STAB2: variants seen among roughly 807,000 people sequenced by gnomAD.
STAB2 encodes stabilin-2.
Under a neutral mutation model 338.1 loss-of-function variants are expected in STAB2, and 288 were observed. That is an observed-to-expected ratio of 0.85 (90% CI 0.77 to 0.94). STAB2 has a LOEUF of 0.94. Among genes scored for constraint, STAB2 ranks in the 40% least tolerant of loss-of-function variants. STAB2 has a pLI of 0.00. For missense variants in STAB2, 3,141 were observed against 3,210.1 expected (o/e 0.98, Z 0.52); for synonymous variants, 1,202 against 1,193.3 (o/e 1.01, Z -0.15).
intron 55 of STAB2, among the ~76,000 whole-genome samples, chr12:103,741,981 AT>A (rs1489894621): frequency 2.6e-5 from 4 of 152,226 alleles, no homozygotes; most frequent in African/African-American, 9.6e-5. Flanking sequence ...TCATTCTAAT[AT>A]TTGTTCAGTG....
At chr12:103,729,041 C>G in intron 48 of STAB2, 46 bp downstream of exon 48, 2 of 1,598,166 alleles carry the variant, frequency 1.3e-6, no homozygotes, top group Non-Finnish European at 1.7e-6. Flanking sequence ...AGATCATGTC[C>G]TTTGCAGGAA....
intron 3 of STAB2, among the ~76,000 whole-genome samples, chr12:103,604,329 T>C (rs933593291): frequency 6.6e-6 from 1 of 152,092 alleles, no homozygotes; most frequent in African/African-American, 2.4e-5. Flanking sequence ...AGTTTTCTTT[T>C]CTTGTTATGT....
At chr12:103,617,318 C>G (rs1957226246) in intron 3 of STAB2, among the ~76,000 whole-genome samples, 1 of 152,178 alleles carries the variant, frequency 6.6e-6, no homozygotes, top group Non-Finnish European at 1.5e-5. Flanking sequence ...TGGTCGGATT[C>G]AAACAAGTAC....
intron 57 of STAB2, among the ~76,000 whole-genome samples, chr12:103,745,923 C>T (rs941360766): frequency 2.0e-5 from 3 of 152,154 alleles, no homozygotes; most frequent in South Asian, 2.1e-4. Context: ...CCTTTATACT[C>T]GAAGCCCTGT....
intron 3 of STAB2, among the ~76,000 whole-genome samples, chr12:103,607,655 T>C (rs1430957416): frequency 1.3e-5 from 2 of 152,108 alleles, no homozygotes; most frequent in Non-Finnish European, 1.5e-5. Context: ...TTTGTCCTTG[T>C]GATAGTTTGC....
rs1878357696 is a variant in STAB2 at position 103,695,835 on chromosome 12, C to T, written c.3573C>T (p.Val1191=). Residue 1191 remains valine, a synonymous_variant, in exon 33 of 69, where the codon GTC becomes GTT. Coordinates refer to ENST00000388887, the MANE Select transcript of STAB2 (RefSeq NM_017564.10). ...AIENYIREKK[V]LSLEEDVLRY... ...AGAATTACATCAGGGAGAAGAAAGTCTTGTCTCTAGTAAGTGTCAAGAACT... is the reference window on the plus strand; with the variant it reads ...AGAATTACATCAGGGAGAAGAAAGTTTTGTCTCTAGTAAGTGTCAAGAACT... The T allele has an allele frequency of 6.2e-7, 1 of 1,614,056 alleles. No homozygotes were observed.
At chr12:103,754,141 C>T (rs1294948599) in intron 61 of STAB2, among the ~76,000 whole-genome samples, 1 of 152,002 alleles carries the variant, frequency 6.6e-6, no homozygotes, top group Admixed American at 6.6e-5. Context: ...TTTTTCAGAC[C>T]TGGTATTCCT....
chr12:103,762,605 C>G (rs1884622080), intron 67 of STAB2, among the ~76,000 whole-genome samples: 1 of 152,304 alleles, frequency 6.6e-6, no homozygotes, highest in Non-Finnish European at 1.5e-5. Flanking sequence ...GTGGTGGTTC[C>G]AAGCCCCTCC....
rs141142013 is a variant in STAB2, at chr12:103,695,638, G to C, written c.3464G>C (p.Gly1155Ala). ...ATGCCTGACTATTCCATCTTCCGGG[G>C]CTACATCATTGCAAGTACCACATTC... ...EQMPDYSIFR[G>A]YIIQYNLANA... The change falls in exon 32 of 69, where the codon GGC (glycine) becomes GCC (alanine). Residue 1155 changes from glycine (G) to alanine (A), a missense_variant. Coordinates refer to ENST00000388887, the MANE Select transcript of STAB2 (RefSeq NM_017564.10). 20 of 1,614,164 alleles carry C rather than the reference G, an allele frequency of 1.2e-5. No homozygotes were observed. Among genetic ancestry groups the C allele is most frequent in the Admixed American group, 3.3e-5 (2 of 60,014 alleles).
At chr12:103,652,366 G>T (rs1290007602) in intron 11 of STAB2, among the ~76,000 whole-genome samples, 190 bp from the exon 12 acceptor site, 1 of 152,204 alleles carries the variant, frequency 6.6e-6, no homozygotes, top group Non-Finnish European at 1.5e-5. Flanking sequence ...CCTGGCCCAG[G>T]TTGATTGCAC....
chr12:103,693,191 C>T (rs1044997097), intron 31 of STAB2, among the ~76,000 whole-genome samples: 3 of 152,104 alleles, frequency 2.0e-5, no homozygotes, highest in African/African-American at 7.2e-5. Flanking sequence ...CTGTGGCTCA[C>T]GCCTATAATC....
Position 103,662,867 on chromosome 12 carries a change from G to A in STAB2, c.1891G>A (p.Val631Met). The A allele has an allele frequency of 6.2e-7, 1 of 1,614,194 alleles. No individual in the cohort carries two copies. The highest frequency in any genetic ancestry group is 8.5e-7 in the Non-Finnish European group (1 of 1,180,026). ...TDNGQILAND[V>M]AMEEIEITAK... The stretch of plus-strand genomic sequence containing the variant: ...CCAGGGACAGATTCTGGCAAATGAT[G>A]TGGCAATGGAAGAAATTGAGATCAC... Residue 631 changes from valine (V) to methionine (M), a missense_variant, in exon 18 of 69, where the codon GTG becomes ATG. By Grantham distance (21) the Val-to-Met change is conservative. Coordinates refer to ENST00000388887, the MANE Select transcript of STAB2 (RefSeq NM_017564.10).
At chr12:103,742,820 C>A (rs1246851520) in intron 56 of STAB2, among the ~76,000 whole-genome samples, 2 of 152,170 alleles carry the variant, frequency 1.3e-5, no homozygotes, top group Admixed American at 6.5e-5. Flanking sequence ...ATCATTCAAC[C>A]AATGTGGATT....
In STAB2 at chr12:103,631,608, T is replaced by C. The variant is rs138666384; in HGVS notation, c.498T>C (p.Cys166=). The C allele has an allele frequency of 1.2e-3, 1,934 of 1,614,124 alleles. 22 individuals are homozygous for C. In the African/African-American group the frequency reaches 0.022, roughly 19 times the overall value. The change falls in exon 6 of 69, where the codon TGT becomes TGC. Residue 166 remains cysteine (C), a synonymous_variant. Transcript: ENST00000388887. ...FGPSCSSVCN[C]VHGVCNSGLD... is the part of the protein sequence containing the mutation. ...ACTTTCTGTCTCCAGTGTGCAACTG[T>C]GTGCATGGGGTGTGCAACAGTGGAC... is the stretch of plus-strand genomic sequence containing the variant.
intron 22 of STAB2, among the ~76,000 whole-genome samples, chr12:103,673,338 CT>C (rs754202508): frequency 3.6e-4 from 52 of 146,058 alleles, no homozygotes; most frequent in Non-Finnish European, 4.4e-4. Context: ...GTTCTTTTTT[CT>C]TTTTTTTTTT....
At chr12:103,638,385 C>G (rs1343772180) in intron 8 of STAB2, among the ~76,000 whole-genome samples, 173 bp downstream of exon 8, 2 of 152,132 alleles carry the variant, frequency 1.3e-5, no homozygotes, top group Non-Finnish European at 2.9e-5. Context: ...GCCTGCTCAC[C>G]CAGTCTATCC....
At chr12:103,680,947 A>C (rs1385254816) in intron 25 of STAB2, among the ~76,000 whole-genome samples, 1 of 152,240 alleles carries the variant, frequency 6.6e-6, no homozygotes, top group Non-Finnish European at 1.5e-5. Flanking sequence ...TGAGGATAAG[A>C]GATTACCGTG....
chr12:103,752,378 T>C (rs75991028), intron 60 of STAB2, among the ~76,000 whole-genome samples: 2,190 of 152,348 alleles, frequency 0.014, 34 homozygotes, highest in Middle Eastern at 0.041. Context: ...TACTGAAATA[T>C]GTTCAAACGA....
In STAB2 at chr12:103,706,810, G is replaced by T; in HGVS notation, c.4015G>T (p.Gly1339Cys). ...GTTTCAGACGAGAGAATGCTGTGCC[G>T]GCTTCTTTGGCCCCCAATGCCAGCC... ...RTVITRECCAGFFGPQCQPCP... is the reference protein window; with the variant it reads ...RTVITRECCACFFGPQCQPCP... The change falls in exon 38 of 69, where the codon GGC (glycine) becomes TGC (cysteine). Residue 1339 changes from glycine to cysteine, a missense_variant. By Grantham distance (159) the Gly-to-Cys change is radical. Coordinates refer to ENST00000388887, the MANE Select transcript of STAB2 (RefSeq NM_017564.10). 1.2e-6 allele frequency: 2 copies of T among 1,614,214 alleles called. No individual in the cohort carries two copies. The highest frequency in any genetic ancestry group is 2.2e-5 in the South Asian group (2 of 91,076).
Sources: allele counts gnomAD v4.1 joint callset (sites outside exome capture counted in the v4.1 genomes callset), GRCh38; gene constraint gnomAD v4.1.1; transcripts MANE v1.5; gene names NCBI Gene and HGNC (gene_info 2026-07-23, HGNC 2026-07-21).